Variants in LGR6 observed in about 807,000 individuals in gnomAD.
The protein encoded by LGR6 is leucine rich repeat containing G protein-coupled receptor 6.
A neutral mutation model predicts 69.4 loss-of-function variants in LGR6; 45 were observed. That is an observed-to-expected ratio of 0.65 (90% CI 0.51 to 0.83). The LOEUF is 0.83. LGR6 is among the 40% of genes least tolerant of loss of function. The probability of loss-of-function intolerance (pLI) is 0.00; values close to 1 mark genes in which losing one functional copy is unlikely to be tolerated. For synonymous variants in LGR6, 538 were observed against 555.0 expected, an observed-to-expected ratio of 0.97 and a Z score of 0.43; for missense variants, 1,108 against 1,246.7, an observed-to-expected ratio of 0.89 and a Z score of 1.68.
chr1:202,315,752 C>G (rs1336813493), intron 17 of LGR6, among the ~76,000 whole-genome samples: 1 of 152,204 alleles, frequency 6.6e-6, no homozygotes, highest in South Asian at 2.1e-4. Flanking sequence ...TTGCCCAGCC[C>G]GAGTTTTCAG....
rs1372402478 is a variant in LGR6, at chr1:202,306,910, C to T, written c.1179C>T (p.Thr393=). Residue 393 remains threonine, a synonymous_variant, in exon 13 of 18, where the codon ACC becomes ACT. Transcript: ENST00000367278. The stretch of plus-strand genomic sequence containing the variant: ...GCATCTGGGAAATTGGAGCTGACAC[C>T]TTCAGCCAGCTGAGCTCCCTGCAAG... The part of the protein sequence containing the change: ...HNRIWEIGAD[T]FSQLSSLQAL... The T allele has an allele frequency of 6.2e-7, 1 of 1,614,148 alleles. No homozygotes were observed. Among genetic ancestry groups the T allele is most frequent in the East Asian group, 2.2e-5 (1 of 44,882 alleles).
intron 1 of LGR6, among the ~76,000 whole-genome samples, chr1:202,209,911 G>A (rs1220596116): frequency 1.3e-5 from 2 of 152,172 alleles, no homozygotes; most frequent in African/African-American, 4.8e-5. Context: ...ATCTCCTACA[G>A]AAATGCTTTT....
At chr1:202,225,285 T>TG (rs1294234033) in intron 1 of LGR6, 138 bp from the exon 2 acceptor site, 18 of 738,806 alleles carry the variant, frequency 2.4e-5, no homozygotes, top group Non-Finnish European at 3.7e-5. Flanking sequence ...GTTGTCAGAC[T>TG]GGCTTTGGAG....
intron 1 of LGR6, among the ~76,000 whole-genome samples, chr1:202,219,901 G>A: frequency 6.6e-6 from 1 of 152,008 alleles, no homozygotes; most frequent in East Asian, 1.9e-4. Context: ...TTTTGAGACA[G>A]TTTCATTCTT....
intron 4 of LGR6, among the ~76,000 whole-genome samples, chr1:202,245,581 C>T (rs893397566): frequency 1.3e-5 from 2 of 152,122 alleles, no homozygotes; most frequent in Non-Finnish European, 2.9e-5. Flanking sequence ...AGAATGTTCT[C>T]CTCTGACTGG....
chr1:202,245,948 A>T (rs1467527987), intron 4 of LGR6, among the ~76,000 whole-genome samples: 1 of 150,378 alleles, frequency 6.6e-6, no homozygotes, highest in Non-Finnish European at 1.5e-5. Flanking sequence ...CCATCCATCC[A>T]TCCATCCATT....
At chr1:202,307,186 A>G in intron 13 of LGR6, 144 bp from the exon 14 acceptor site, 1 of 804,850 alleles carries the variant, frequency 1.2e-6, no homozygotes, top group Non-Finnish European at 2.0e-6. Context: ...GGAGCTGGGC[A>G]GCAGCAGGTA....
chr1:202,311,588 A>G (rs1346139792), intron 16 of LGR6, among the ~76,000 whole-genome samples: 2 of 152,248 alleles, frequency 1.3e-5, no homozygotes, highest in Admixed American at 1.3e-4. Context: ...TAAGCCCAGG[A>G]GGCGGAGGTT....
chr1:202,305,433 C>G lies in LGR6; in HGVS notation c.1071-251C>G, dbSNP rs999747331. Among the ~76,000 whole-genome samples, 9 of 152,296 alleles carry G rather than the reference C, an allele frequency of 5.9e-5. No homozygotes were observed. The East Asian group carries it at 1.7e-3, about 29-fold the overall frequency. On this transcript the variant is annotated intron_variant, in intron 11 of 17. Transcript: ENST00000367278. ...TTGCCTGTTTCCTCTTCACCACGCC[C>G]CTCTCACTTCCTGGGTAGTCCCATC...
At chr1:202,226,928 G>A (rs931601849) in intron 2 of LGR6, among the ~76,000 whole-genome samples, 1 of 152,196 alleles carries the variant, frequency 6.6e-6, no homozygotes, top group African/African-American at 2.4e-5. Context: ...CAAAGCAAGA[G>A]CAAAGGCCAA....
At position 202,285,580 on chromosome 1, in the gene LGR6, A is replaced by G. The variant is rs191597410; in HGVS notation, c.716+4728A>G. Among the ~76,000 whole-genome samples the G allele has an allele frequency of 2.3e-3, 349 of 152,320 alleles. 3 individuals carry two copies. Among genetic ancestry groups the G allele is most frequent in the Non-Finnish European group, 3.4e-4 (23 of 68,026 alleles). ...GATGACTTCACGTGATGCCTGGAAC[A>G]TTATAGGTGCTTGATTTATGTCGGC... On this transcript the variant is annotated intron_variant, in intron 6 of 17. Transcript: ENST00000367278.
At chr1:202,317,296 T>C (rs1383650363) in intron 17 of LGR6, among the ~76,000 whole-genome samples, 1 of 152,122 alleles carries the variant, frequency 6.6e-6, no homozygotes, top group African/African-American at 2.4e-5. Flanking sequence ...CCTCAATATC[T>C]GGGTTTGTAC....
At chr1:202,237,523 T>C (rs1661679970) in intron 4 of LGR6, among the ~76,000 whole-genome samples, 1 of 152,248 alleles carries the variant, frequency 6.6e-6, no homozygotes, top group Non-Finnish European at 1.5e-5. Flanking sequence ...AGTTTACTTT[T>C]TTAAAAAAAA....
At chr1:202,205,075 ACCT>A (rs1250060857) in intron 1 of LGR6, among the ~76,000 whole-genome samples, 40 of 109,364 alleles carry the variant, frequency 3.7e-4, no homozygotes, top group African/African-American at 1.5e-3. Flanking sequence ...CCTAACACAC[ACCT>A]CCTCCACACA....
At chr1:202,204,471 A>G (rs1335541148) in intron 1 of LGR6, among the ~76,000 whole-genome samples, 29 of 78,648 alleles carry the variant, frequency 3.7e-4, no homozygotes, top group Non-Finnish European at 5.1e-5. Flanking sequence ...CTCCACACAC[A>G]CACCTCCAAA....
chr1:202,312,703 A>G (rs1036045860), intron 16 of LGR6, among the ~76,000 whole-genome samples: 7 of 152,094 alleles, frequency 4.6e-5, no homozygotes, highest in Non-Finnish European at 8.8e-5. Context: ...TCTTTCCCCA[A>G]CTTGGGTCTT....
intron 1 of LGR6, among the ~76,000 whole-genome samples, chr1:202,202,060 G>A (rs147256894): frequency 1.3e-5 from 2 of 152,258 alleles, no homozygotes; most frequent in African/African-American, 2.4e-5. Flanking sequence ...GGGAGAAAGA[G>A]GACCGAGGTG....
intron 6 of LGR6, among the ~76,000 whole-genome samples, chr1:202,289,653 G>A (rs906220657): frequency 2.6e-5 from 4 of 152,142 alleles, no homozygotes; most frequent in African/African-American, 4.8e-5. Context: ...TTGTTTAGAA[G>A]GTAAAACAAT....
Position 202,230,283 on chromosome 1 carries a change from G to A in LGR6, c.356+2276G>A, listed in dbSNP as rs535130889. On this transcript the variant is annotated intron_variant, in intron 3 of 17. Coordinates refer to ENST00000367278, the MANE Select transcript of LGR6 (RefSeq NM_001017403.2). ...CCCACACCCCCACCCATCCCTGCCC[G>A]ATCTGGAGATATTACTCTTAAGATC... Among the ~76,000 whole-genome samples the A allele has an allele frequency of 1.1e-4, 15 of 132,438 alleles. 1 individual carries two copies. Among genetic ancestry groups the A allele is most frequent in the Admixed American group, 6.2e-4 (8 of 12,894 alleles). The allele number at this position is 132,438 out of a possible 152,430, so 86.9% of individuals were successfully genotyped here.
Sources: allele counts gnomAD v4.1 joint callset (sites outside exome capture counted in the v4.1 genomes callset), GRCh38; gene constraint gnomAD v4.1.1; transcripts MANE v1.5; gene names NCBI Gene and HGNC (gene_info 2026-07-23, HGNC 2026-07-21).